Variants in CTNNA2 observed in about 807,000 individuals in gnomAD.
CTNNA2 encodes the protein catenin alpha 2.
Under a neutral mutation model 101.0 loss-of-function variants are expected in CTNNA2, and 42 were observed. That is an observed-to-expected ratio of 0.42 (90% CI 0.32 to 0.54). The LOEUF (loss-of-function observed/expected upper bound fraction) is 0.54, where lower values mean the gene tolerates loss of function less well. Among genes scored for constraint, CTNNA2 ranks in the 20% least tolerant of loss-of-function variants. CTNNA2 has a pLI of 0.14. For synonymous variants in CTNNA2, 450 were observed against 456.4 expected, an observed-to-expected ratio of 0.99 and a Z score of 0.18; for missense variants, 871 against 1,223.1, an observed-to-expected ratio of 0.71 and a Z score of 4.29.
At position 80,303,123 on chromosome 2, in the gene CTNNA2, T is replaced by C. The variant is rs763017560; in HGVS notation, c.1057-90088T>C. ...CGCAGGCAGAGCGAGTGCAGGGAGA[T>C]GAGGCGCGGGAAGTGGGCGAAGTTC... On this transcript the variant is annotated intron_variant, in intron 7 of 18. Coordinates refer to ENST00000402739, the MANE Select transcript of CTNNA2 (RefSeq NM_001282597.3). This position sits in a 1 kb window ranked among gnomAD's most constrained non-coding sequence, Gnocchi z 7.7. 7 of 1,613,862 alleles carry C rather than the reference T, an allele frequency of 4.3e-6. No homozygotes were observed. In the African/African-American group the frequency reaches 5.3e-5, roughly 12 times the overall value.
chr2:79,522,433 G>A (rs1672166775), intron 1 of CTNNA2, among the ~76,000 whole-genome samples: 1 of 152,194 alleles, frequency 6.6e-6, no homozygotes, highest in Non-Finnish European at 1.5e-5. Flanking sequence ...GGGGCTATAA[G>A]ATGAATACCT....
chr2:79,531,983 A>T (rs1672775631), intron 1 of CTNNA2, among the ~76,000 whole-genome samples: 1 of 152,120 alleles, frequency 6.6e-6, no homozygotes, highest in Non-Finnish European at 1.5e-5. Flanking sequence ...CCCAGACATT[A>T]GTAAATATTT....
chr2:80,570,139 C>T (rs1294204726), intron 12 of CTNNA2, among the ~76,000 whole-genome samples: 1 of 152,116 alleles, frequency 6.6e-6, no homozygotes, highest in Non-Finnish European at 1.5e-5. Context: ...ACCTCTGCCT[C>T]CTGGGTTCAA....
chr2:80,178,903 C>T (rs1405000954), intron 7 of CTNNA2, among the ~76,000 whole-genome samples: 1 of 152,202 alleles, frequency 6.6e-6, no homozygotes, highest in Non-Finnish European at 1.5e-5. Context: ...ACAAATGTCT[C>T]AACAATAAGT....
At chr2:80,629,263 C>T (rs1023544753) in intron 18 of CTNNA2, among the ~76,000 whole-genome samples, 28 of 152,224 alleles carry the variant, frequency 1.8e-4, no homozygotes, top group African/African-American at 5.8e-4. Context: ...TCTCTGCTGT[C>T]ATCAAGATTG....
At chr2:79,958,056 TTGTAGTCATTC>T (rs1689366496) in intron 7 of CTNNA2, among the ~76,000 whole-genome samples, 1 of 152,180 alleles carries the variant, frequency 6.6e-6, no homozygotes, top group Non-Finnish European at 1.5e-5. Flanking sequence ...TTTTCCTCCA[TTGTAGTCATTC>T]TGTTGCGCAC....
chr2:79,838,049 T>C (rs1431727821), intron 3 of CTNNA2, among the ~76,000 whole-genome samples: 1 of 152,154 alleles, frequency 6.6e-6, no homozygotes, highest in Non-Finnish European at 1.5e-5. Context: ...TTCTTTGCTG[T>C]CCAGAACAGT....
chr2:80,574,891 A>G (rs1276769690), intron 13 of CTNNA2, among the ~76,000 whole-genome samples: 3 of 152,172 alleles, frequency 2.0e-5, no homozygotes, highest in African/African-American at 7.2e-5. Context: ...TGTCTAAATA[A>G]TTAATATATA....
intron 7 of CTNNA2, among the ~76,000 whole-genome samples, chr2:80,223,887 G>A (rs1708719391): frequency 6.6e-6 from 1 of 152,136 alleles, no homozygotes; most frequent in South Asian, 2.1e-4. Context: ...CAGGTCCAAG[G>A]TAATCATACT....
Position 80,514,661 on chromosome 2 carries a change from G to A in CTNNA2, c.1291-30321G>A, listed in dbSNP as rs115265650. On this transcript the variant is annotated intron_variant, in intron 9 of 18. Transcript: ENST00000402739. Reference sequence around the variant, plus strand: ...AGGTAAACTTCCTTGAAGTCAGGCCGTCTCTGGCCAGCTCTTCTCCAAAGT... The same window carrying A: ...AGGTAAACTTCCTTGAAGTCAGGCCATCTCTGGCCAGCTCTTCTCCAAAGT... Among the ~76,000 whole-genome samples the A allele has an allele frequency of 9.0e-3, 1,371 of 152,116 alleles. 21 individuals are homozygous for A. The highest frequency in any genetic ancestry group is 0.03 in the African/African-American group (1,261 of 41,472).
At chr2:79,731,992 A>G (rs961430199) in intron 2 of CTNNA2, among the ~76,000 whole-genome samples, 3 of 152,020 alleles carry the variant, frequency 2.0e-5, no homozygotes, top group Non-Finnish European at 1.5e-5. Context: ...ACATTAAAAA[A>G]AATTTATAAA....
chr2:80,624,356 A>G (rs1671454275), intron 18 of CTNNA2, among the ~76,000 whole-genome samples: 2 of 152,006 alleles, frequency 1.3e-5, no homozygotes, highest in South Asian at 4.1e-4. Context: ...TGTATGTTTA[A>G]ATCAATAGTC....
intron 7 of CTNNA2, among the ~76,000 whole-genome samples, chr2:80,182,230 T>C (rs113337912): frequency 0.022 from 3,409 of 152,204 alleles, 124 homozygotes; most frequent in African/African-American, 0.077. Context: ...CTGGTTTAGG[T>C]GCAGGTCCAA....
At chr2:79,349,156 T>A (rs1677327863) in intron 3 of CTNNA2, among the ~76,000 whole-genome samples, 1 of 152,232 alleles carries the variant, frequency 6.6e-6, no homozygotes, top group Non-Finnish European at 1.5e-5. Flanking sequence ...CAGTGGGTGA[T>A]ATGCAGGCAA....
chr2:79,465,151 A>G (rs1670919680), intron 4 of CTNNA2, among the ~76,000 whole-genome samples: 1 of 152,134 alleles, frequency 6.6e-6, no homozygotes, highest in South Asian at 2.1e-4. Flanking sequence ...ATCTTGAATT[A>G]ATTTTTGTAT....
chr2:80,102,807 C>G (rs973311821), intron 7 of CTNNA2, among the ~76,000 whole-genome samples: 4 of 152,166 alleles, frequency 2.6e-5, no homozygotes, highest in Non-Finnish European at 4.4e-5. Flanking sequence ...CCACTGCACC[C>G]TGCCCTAGTC....
At chr2:80,290,955 A>C (rs1012440834) in intron 7 of CTNNA2, among the ~76,000 whole-genome samples, 2 of 152,318 alleles carry the variant, frequency 1.3e-5, no homozygotes, top group Non-Finnish European at 2.9e-5. Context: ...ATTCCCTGCT[A>C]GTATAGATTC....
Position 79,376,993 on chromosome 2 carries a change from A to G in CTNNA2, c.-135+2980A>G, listed in dbSNP as rs573289240. On this transcript the variant is annotated intron_variant, in intron 4 of 21. Coordinates refer to the CTNNA2 transcript ENST00000466387. ...CAGCATGTTTTATAATCCTTTGGGT[A>G]TATACCCAGTAATGGGATGGCTGGG... 1.1e-4 allele frequency among the ~76,000 whole-genome samples: 17 copies of G among 152,044 alleles called. No individual in the cohort carries two copies. In the East Asian group the frequency reaches 3.3e-3, roughly 29 times the overall value.
chr2:80,206,910 C>T (rs1472823411), intron 7 of CTNNA2, among the ~76,000 whole-genome samples: 2 of 152,162 alleles, frequency 1.3e-5, no homozygotes, highest in Non-Finnish European at 2.9e-5. Flanking sequence ...GAGGCTTCCT[C>T]CTTAAGCATG....
Sources: allele counts gnomAD v4.1 joint callset (sites outside exome capture counted in the v4.1 genomes callset), GRCh38; gene constraint gnomAD v4.1.1; non-coding constraint Gnocchi (gnomAD v3.1); transcripts MANE v1.5; gene names NCBI Gene and HGNC (gene_info 2026-07-23, HGNC 2026-07-21).